The following PSME1 variants were observed in gnomAD, a reference collection of about 807,000 sequenced individuals.
PSME1 encodes proteasome activator subunit 1.
A neutral mutation model predicts 38.4 loss-of-function variants in PSME1; 15 were observed. The observed-to-expected ratio is 0.39, with a 90% confidence interval of 0.26 to 0.60. The LOEUF (loss-of-function observed/expected upper bound fraction) is 0.60, where lower values mean the gene tolerates loss of function less well. PSME1 is among the 20% of genes least tolerant of loss of function. The probability of loss-of-function intolerance (pLI) is 0.53; values close to 1 mark genes in which losing one functional copy is unlikely to be tolerated. For synonymous variants in PSME1, 106 were observed against 106.8 expected (o/e 0.99, Z 0.05); for missense variants, 249 against 305.6 (o/e 0.81, Z 1.38).
intron 5 of PSME1, 47 bp from the exon 6 acceptor site, chr14:24,137,653 C>G: frequency 1.9e-6 from 3 of 1,610,932 alleles, no homozygotes; most frequent in Non-Finnish European, 2.5e-6. Flanking sequence ...CCCCTTCGCC[C>G]CTCACACAGG....
rs1411644585 is a variant in PSME1, at chr14:24,138,206, T to G, written c.470T>G (p.Phe157Cys). 3.7e-6 allele frequency: 6 copies of G among 1,614,154 alleles called. No individual in the cohort carries two copies. Among genetic ancestry groups the G allele is most frequent in the Non-Finnish European group, 5.1e-6 (6 of 1,180,006 alleles). ...NFGVAVQEKV[F>C]ELMTSLHTKL... is the part of the protein sequence containing the mutation. ...GCTTTTTTTCCCTAGGAGAAGGTGT[T>G]TGAGCTGATGACCAGCCTCCACACC... The change falls in exon 8 of 11, where the codon TTT becomes TGT. Residue 157 changes from phenylalanine to cysteine, a missense_variant. Transcript: ENST00000206451.
rs765044838 is a variant in PSME1 at position 24,138,815 on chromosome 14, G to A, written c.749G>A (p.Ter250=). The A allele has an allele frequency of 1.2e-6, 2 of 1,613,706 alleles. No individual in the cohort carries two copies. Among genetic ancestry groups the A allele is most frequent in the Non-Finnish European group, 1.7e-6 (2 of 1,179,632 alleles). ...PRGETKGMIY[*] is the part of the protein sequence containing the mutation. ...GGAGAAACAAAGGGAATGATCTATT[G>A]AGAGCCCTCTCTCCCATTCTGTGAT... The change falls in exon 11 of 11, where the codon TGA becomes TAA. Residue 250 remains the stop codon, a stop_retained_variant. Transcript: ENST00000206451.
At chr14:24,138,693 C>G in intron 10 of PSME1, 43 bp from the exon 11 acceptor site, 1 of 1,613,810 alleles carries the variant, frequency 6.2e-7, no homozygotes, top group Non-Finnish European at 8.5e-7. Context: ...GGGCACAGAG[C>G]CACTGGAGGC....
rs1253827990 is a variant in PSME1, at chr14:24,136,913, A to T, written c.40-72A>T. On this transcript the variant is annotated intron_variant, in intron 1 of 10. Transcript: ENST00000206451. This position sits in a 1 kb window ranked among gnomAD's most constrained non-coding sequence, Gnocchi z 4.8. The stretch of plus-strand genomic sequence containing the variant: ...CCTTCCCCAGGTCAGGCCCTACATA[A>T]CCCTAAGGGAACTGTCCTCAAATGA... 2 of 1,590,416 alleles carry T rather than the reference A, an allele frequency of 1.3e-6. No individual in the cohort carries two copies. Among genetic ancestry groups the T allele is most frequent in the Non-Finnish European group, 1.7e-6 (2 of 1,160,110 alleles).
Position 24,137,736 on chromosome 14 carries a change from T to C in PSME1, c.329T>C (p.Ile110Thr). Residue 110 changes from isoleucine (I) to threonine (T), a missense_variant, in exon 6 of 11, where the codon ATC becomes ACC. Ile to Thr is a moderately conservative substitution (Grantham distance 89). Transcript: ENST00000206451. ...PCGPVNCNEK[I>T]VVLLQRLKPE... ...GGCCCAGTGAACTGCAATGAAAAGATCGTGGTCCTTCTGCAGCGCTTGAAG... is the reference window on the plus strand; with the variant it reads ...GGCCCAGTGAACTGCAATGAAAAGACCGTGGTCCTTCTGCAGCGCTTGAAG... The C allele has an allele frequency of 6.2e-7, 1 of 1,614,224 alleles. No individual in the cohort carries two copies. Among genetic ancestry groups the C allele is most frequent in the African/African-American group, 1.3e-5 (1 of 75,058 alleles).
chr14:24,137,968 T>G (rs1055762590), intron 6 of PSME1, 81 bp from the exon 7 acceptor site: 2 of 1,539,342 alleles, frequency 1.3e-6, no homozygotes, highest in Non-Finnish European at 1.8e-6. Flanking sequence ...CCACCCAGTG[T>G]GGGGAGGGAA....
rs376410810 is a variant in PSME1 at position 24,138,183 on chromosome 14, T to G, written c.460-13T>G. 17 of 1,613,812 alleles carry G rather than the reference T, an allele frequency of 1.1e-5. No homozygotes were observed. The African/African-American group carries it at 2.3e-4, about 22-fold the overall frequency. On this transcript the variant is annotated splice_polypyrimidine_tract_variant and intron_variant, in intron 7 of 10. Transcript: ENST00000206451. ...TGCTTCCTTCCACTTTCCCCCTTGC[T>G]TTTTTTCCCTAGGAGAAGGTGTTTG...
At position 24,137,907 on chromosome 14, in the gene PSME1, A is replaced by C. The variant is rs11574509; in HGVS notation, c.390+110A>C. On this transcript the variant is annotated intron_variant, in intron 6 of 10. Coordinates refer to ENST00000206451, the MANE Select transcript of PSME1 (RefSeq NM_006263.4). ...GGTTTTAGCAAGAGAGGGCACAGCA[A>C]GTGAAACCAGAAGTCCAGGCCCTGG... is the stretch of plus-strand genomic sequence containing the variant. 14 of 1,492,196 alleles carry C rather than the reference A, an allele frequency of 9.4e-6. No individual in the cohort carries two copies. The South Asian group carries it at 1.6e-4, about 17-fold the overall frequency. The allele number at this position is 1,492,196 out of a possible 1,614,324, so 92.4% of individuals were successfully genotyped here. A position where few individuals can be genotyped will look rare whatever the true frequency, so the allele number is the denominator to read the frequency against.
Position 24,136,875 on chromosome 14 carries a change from G to C in PSME1, c.40-110G>C. 1.5e-6 allele frequency: 2 copies of C among 1,349,132 alleles called. No homozygotes were observed. Among genetic ancestry groups the C allele is most frequent in the South Asian group, 1.2e-5 (1 of 84,044 alleles). The allele number at this position is 1,349,132 out of a possible 1,614,324, so 83.6% of individuals were successfully genotyped here. The stretch of plus-strand genomic sequence containing the variant: ...GCTTTCTTCAGGTCTGGCCTTAGAG[G>C]GATCCCCTCCACCCTTCCCCAGGTC... On this transcript the variant is annotated intron_variant, in intron 1 of 10. Coordinates refer to ENST00000206451, the MANE Select transcript of PSME1 (RefSeq NM_006263.4). The surrounding 1 kb of genome is among the most constrained non-coding windows in gnomAD (Gnocchi z 4.8).
chr14:24,138,666 C>T lies in PSME1; in HGVS notation c.670-70C>T, dbSNP rs1422172433. 3 of 1,613,436 alleles carry T rather than the reference C, an allele frequency of 1.9e-6. No homozygotes were observed. The Admixed American group carries it at 5.0e-5, about 27-fold the overall frequency. On this transcript the variant is annotated intron_variant, in intron 10 of 10. Transcript: ENST00000206451. ...TTAAGGGTGACAAAGCTCAGCTTCT[C>T]CACAAGGCTAGAAATGGGGCACAGA...
Position 24,137,741 on chromosome 14 carries a change from G to A in PSME1, c.334G>A (p.Val112Ile). The stretch of plus-strand genomic sequence containing the variant: ...AGTGAACTGCAATGAAAAGATCGTG[G>A]TCCTTCTGCAGCGCTTGAAGCCTGA... The part of the protein sequence containing the change: ...GPVNCNEKIV[V>I]LLQRLKPEIK... Residue 112 changes from valine (V) to isoleucine (I), a missense_variant, in exon 6 of 11, where the codon GTC becomes ATC. Physicochemically the swap from Val to Ile is conservative, Grantham distance 29 (BLOSUM62 3). Coordinates refer to ENST00000206451, the MANE Select transcript of PSME1 (RefSeq NM_006263.4). 1 of 1,614,226 alleles carries A rather than the reference G, an allele frequency of 6.2e-7. No homozygotes were observed. The highest frequency in any genetic ancestry group is 8.5e-7 in the Non-Finnish European group (1 of 1,180,038).
chr14:24,137,314 A>G lies in PSME1; in HGVS notation c.136-7A>G. The G allele has an allele frequency of 6.2e-7, 1 of 1,613,848 alleles. No homozygotes were observed. The highest frequency in any genetic ancestry group is 8.5e-7 in the Non-Finnish European group (1 of 1,179,840). ...TCACCTCCAGCCCTCCTCCCACCCT[A>G]CACCAGGAGCCAGCTCTCAATGAAG... On this transcript the variant is annotated splice_region_variant and splice_polypyrimidine_tract_variant and intron_variant, in intron 3 of 10. Transcript: ENST00000206451.
chr14:24,136,386 C>T lies in PSME1; in HGVS notation c.39+85C>T. ...GCATCCCCGACCCGCCCCCCAGGCT[C>T]CCACGCGAGTCGGGGGCAGTCGGCC... On this transcript the variant is annotated intron_variant, in intron 1 of 10. Transcript: ENST00000206451. This position sits in a 1 kb window ranked among gnomAD's most constrained non-coding sequence, Gnocchi z 4.8. The T allele has an allele frequency of 7.5e-6, 10 of 1,339,770 alleles. No individual in the cohort carries two copies. Among genetic ancestry groups the T allele is most frequent in the Non-Finnish European group, 9.8e-6 (10 of 1,017,134 alleles). 83.0% of individuals were successfully genotyped at this position (1,339,770 alleles called of 1,614,324 possible).
chr14:24,138,293 T>C, intron 8 of PSME1, 30 bp downstream of exon 8: 1 of 1,614,026 alleles, frequency 6.2e-7, no homozygotes. Context: ...CACACTGTTT[T>C]TGTTTTGGGA....
chr14:24,138,300 G>A, intron 8 of PSME1, 37 bp downstream of exon 8: 2 of 1,613,874 alleles, frequency 1.2e-6, no homozygotes, highest in Non-Finnish European at 1.7e-6. Flanking sequence ...TTTTTGTTTT[G>A]GGAGACCTCC....
chr14:24,136,749 C>A lies in PSME1; in HGVS notation c.40-236C>A. 1.6e-6 allele frequency: 1 copy of A among 617,988 alleles called. No individual in the cohort carries two copies. The highest frequency in any genetic ancestry group is 2.9e-6 in the Non-Finnish European group (1 of 342,622). The allele number at this position is 617,988 out of a possible 1,614,324, so 38.3% of individuals were successfully genotyped here. On this transcript the variant is annotated intron_variant, in intron 1 of 10. Coordinates refer to ENST00000206451, the MANE Select transcript of PSME1 (RefSeq NM_006263.4). The surrounding 1 kb of genome is among the most constrained non-coding windows in gnomAD (Gnocchi z 4.8). ...CACCGCCAGGAATGTTCTCATCCCCCATATCCAGCCCCAGGGATACCCACT... is the reference window on the plus strand; with the variant it reads ...CACCGCCAGGAATGTTCTCATCCCCAATATCCAGCCCCAGGGATACCCACT...
In PSME1 at chr14:24,138,008, G is replaced by A. The variant is rs373574558; in HGVS notation, c.391-41G>A. On this transcript the variant is annotated intron_variant, in intron 6 of 10. Coordinates refer to ENST00000206451, the MANE Select transcript of PSME1 (RefSeq NM_006263.4). ...GGGAGAATATGAAACTGGGAATTGGGTAGAGGGCTGATGTGGCATTATGCC... is the reference window on the plus strand; with the variant it reads ...GGGAGAATATGAAACTGGGAATTGGATAGAGGGCTGATGTGGCATTATGCC... 5.0e-4 allele frequency: 808 copies of A among 1,606,252 alleles called. 15 individuals are homozygous for A. The South Asian group carries it at 7.9e-3, about 16-fold the overall frequency.
At chr14:24,137,057 A>G in intron 2 of PSME1, 40 bp downstream of exon 2, 1 of 1,613,632 alleles carries the variant, frequency 6.2e-7, no homozygotes, top group East Asian at 2.2e-5. Context: ...CCCCTGCCCA[A>G]CTCCTACTGC....
chr14:24,138,487 A>C lies in PSME1; in HGVS notation c.596A>C (p.Gln199Pro). The C allele has an allele frequency of 6.2e-7, 1 of 1,614,110 alleles. No individual in the cohort carries two copies. Among genetic ancestry groups the C allele is most frequent in the Non-Finnish European group, 8.5e-7 (1 of 1,180,030 alleles). ...AGCTTCCCACAGGGTGATTATCGGC[A>C]GCTGGTGCACGAGCTGGATGAGGCA... ...AKQPHVGDYRQLVHELDEAEY... is the reference protein window; with the variant it reads ...AKQPHVGDYRPLVHELDEAEY... The change falls in exon 10 of 11, where the codon CAG (glutamine) becomes CCG (proline). Residue 199 changes from glutamine to proline, a missense_variant. Physicochemically the swap from Gln to Pro is moderately conservative, Grantham distance 76. Coordinates refer to ENST00000206451, the MANE Select transcript of PSME1 (RefSeq NM_006263.4).
Sources: allele counts gnomAD v4.1 joint callset, GRCh38; gene constraint gnomAD v4.1.1; non-coding constraint Gnocchi (gnomAD v3.1); transcripts MANE v1.5; gene names NCBI Gene and HGNC (gene_info 2026-07-23, HGNC 2026-07-21).